The following LAMA5 variants were observed in gnomAD, a reference collection of about 807,000 sequenced individuals.
LAMA5 encodes the protein laminin subunit alpha-5.
Under a neutral mutation model 433.4 loss-of-function variants are expected in LAMA5, and 260 were observed. The observed-to-expected ratio is 0.60, with a 90% CI of 0.54 to 0.66. The LOEUF (loss-of-function observed/expected upper bound fraction) is 0.66, where lower values mean the gene tolerates loss of function less well. Ranked by LOEUF, LAMA5 falls within the 30% of genes least tolerant of loss-of-function variation. LAMA5 has a pLI of 0.00. For missense variants in LAMA5, 5,378 were observed against 5,258.5 expected, an observed-to-expected ratio of 1.02 and a Z score of -0.70; for synonymous variants, 2,620 against 2,226.6, an observed-to-expected ratio of 1.18 and a Z score of -4.97.
Position 62,320,817 on chromosome 20 carries a change from C to A in LAMA5, c.6570G>T (p.Glu2190Asp). Residue 2190 changes from glutamate (E) to aspartate (D), a missense_variant, in exon 49 of 80, where the codon GAG becomes GAT. Glu to Asp is a conservative substitution (Grantham distance 45, BLOSUM62 2). Coordinates refer to ENST00000252999, the MANE Select transcript of LAMA5 (RefSeq NM_005560.6). ...RAGALLPAIH[E>D]QLRGINASSM... ...AGCTGGCATTGATGCCACGCAGTTG[C>A]TCGTGAATGGCGGGGAGGAGGGCGC... is the stretch of plus-strand genomic sequence containing the variant. 6.2e-7 allele frequency: 1 copy of A among 1,612,686 alleles called. No individual in the cohort carries two copies. Among genetic ancestry groups the A allele is most frequent in the Non-Finnish European group, 8.5e-7 (1 of 1,179,904 alleles).
chr20:62,363,691 G>C (rs906041864), intron 1 of LAMA5, among the ~76,000 whole-genome samples: 1 of 151,998 alleles, frequency 6.6e-6, no homozygotes, highest in Non-Finnish European at 1.5e-5. Context: ...GTTTGAGAAA[G>C]TCAGCGGCCC....
chr20:62,327,467 T>C, intron 37 of LAMA5, 61 bp from the exon 38 acceptor site: 3 of 1,605,498 alleles, frequency 1.9e-6, no homozygotes, highest in Non-Finnish European at 2.6e-6. Flanking sequence ...GGGCCCCATC[T>C]TGCATCCAGT....
chr20:62,315,326 GA>G, intron 58 of LAMA5, 119 bp from the exon 59 acceptor site: 1 of 813,380 alleles, frequency 1.2e-6, no homozygotes, highest in South Asian at 1.8e-5. Flanking sequence ...GATCGTGTGA[GA>G]CCCTCACACC....
At chr20:62,337,523 G>C in intron 16 of LAMA5, 67 bp downstream of exon 16, 1 of 1,543,154 alleles carries the variant, frequency 6.5e-7, no homozygotes, top group African/African-American at 1.4e-5. Flanking sequence ...AAGGCAGGCA[G>C]CGTGTGAACA....
chr20:62,347,474 T>C (rs1365856352), intron 6 of LAMA5, among the ~76,000 whole-genome samples: 1 of 152,142 alleles, frequency 6.6e-6, no homozygotes, highest in Non-Finnish European at 1.5e-5. Context: ...AAAACCTCCC[T>C]GAGCCAGAAG....
rs374714246 is a variant in LAMA5 at position 62,322,091 on chromosome 20, A to G, written c.6424T>C (p.Cys2142Arg). ...TGATGCTGCTGGCTGCAGGTGTCGC[A>G]GCGCTCCCCGCTGAGCCCCGGGGGG... ...NCPPGLSGER[C>R]DTCSQQHQVP... Residue 2142 changes from cysteine (C) to arginine (R), a missense_variant, in exon 48 of 80, where the codon TGC (cysteine) becomes CGC (arginine). By Grantham distance (180) the Cys-to-Arg change is radical. Coordinates refer to ENST00000252999, the MANE Select transcript of LAMA5 (RefSeq NM_005560.6). 1.0e-4 allele frequency: 167 copies of G among 1,601,682 alleles called. No homozygotes were observed. The highest frequency in any genetic ancestry group is 1.4e-4 in the Non-Finnish European group (160 of 1,179,322).
At chr20:62,315,318 T>C in intron 58 of LAMA5, 111 bp from the exon 59 acceptor site, 2 of 924,924 alleles carry the variant, frequency 2.2e-6, no homozygotes, top group Non-Finnish European at 3.2e-6. Context: ...CCCCTATGGA[T>C]CGTGTGAGAC....
chr20:62,310,779 G>C lies in LAMA5; in HGVS notation c.10332C>G (p.Ala3444=), dbSNP rs1986171466. 1.3e-6 allele frequency: 2 copies of C among 1,552,858 alleles called. No homozygotes were observed. Among genetic ancestry groups the C allele is most frequent in the Non-Finnish European group, 1.7e-6 (2 of 1,149,980 alleles). ...GCGGCCCCTCCTGGCTCCAGGCCCG[G>C]GCCCCGTCCGTCACCAGCAGGATCC... is the stretch of plus-strand genomic sequence containing the variant. ...KNRILLVTDG[A]RAWSQEGPHR... The change falls in exon 75 of 80, where the codon GCC becomes GCG. Residue 3444 remains alanine, a synonymous_variant. Coordinates refer to ENST00000252999, the MANE Select transcript of LAMA5 (RefSeq NM_005560.6).
rs1322024222 is a variant in LAMA5 at position 62,312,617 on chromosome 20, G to A, written c.9227+15C>T. 4 of 1,603,060 alleles carry A rather than the reference G, an allele frequency of 2.5e-6. No homozygotes were observed. The African/African-American group carries it at 4.0e-5, about 16-fold the overall frequency. ...ACAGCCTGGCCTCGGAGCCCCAGCTGCGCACAGTGCTTACCTCGGGGGCAG... is the reference window on the plus strand; with the variant it reads ...ACAGCCTGGCCTCGGAGCCCCAGCTACGCACAGTGCTTACCTCGGGGGCAG... On this transcript the variant is annotated intron_variant, in intron 67 of 79. Transcript: ENST00000252999.
At chr20:62,355,507 G>A (rs1193268185) in intron 2 of LAMA5, 5 of 152,416 alleles carry the variant, frequency 3.3e-5, no homozygotes, top group Non-Finnish European at 5.9e-5. Context: ...CAGGACTCCA[G>A]ACATCCCAGG....
chr20:62,314,470 TGGGGACC>T (rs761149949), intron 61 of LAMA5, 30 bp from the exon 62 acceptor site: 11 of 1,612,290 alleles, frequency 6.8e-6, no homozygotes, highest in Admixed American at 5.0e-5. Flanking sequence ...ACAGTCGGGA[TGGGGACC>T]GGGGACCAGG....
chr20:62,319,600 G>T, intron 51 of LAMA5, 84 bp downstream of exon 51: 1 of 940,862 alleles, frequency 1.1e-6, no homozygotes, highest in African/African-American at 1.6e-5. Flanking sequence ...GTTCTTCCAG[G>T]CCAAGCTCGG....
intron 11 of LAMA5, among the ~76,000 whole-genome samples, chr20:62,340,850 C>A (rs1444167129): frequency 6.6e-6 from 1 of 151,676 alleles, no homozygotes; most frequent in Non-Finnish European, 1.5e-5. Context: ...GCCTGGCCAA[C>A]ATGGTAAAAC....
intron 11 of LAMA5, among the ~76,000 whole-genome samples, chr20:62,339,554 G>A (rs1015611691): frequency 6.6e-6 from 1 of 152,134 alleles, no homozygotes; most frequent in Non-Finnish European, 1.5e-5. Context: ...TTGGGAAGAA[G>A]GTAGAAAGAA....
Position 62,323,817 on chromosome 20 carries a change from C to A in LAMA5, c.5808G>T (p.Gln1936His). The A allele has an allele frequency of 6.2e-7, 1 of 1,610,640 alleles. No individual in the cohort carries two copies. The highest frequency in any genetic ancestry group is 1.7e-4 in the Middle Eastern group (1 of 6,042). The change falls in exon 44 of 80, where the codon CAG becomes CAT. Residue 1936 changes from glutamine to histidine, a missense_variant. Physicochemically the swap from Gln to His is conservative, Grantham distance 24. Coordinates refer to ENST00000252999, the MANE Select transcript of LAMA5 (RefSeq NM_005560.6). ...EGCVLRGGRTQCLCKPGYAGA... is the reference protein window; with the variant it reads ...EGCVLRGGRTHCLCKPGYAGA... ...CTGCATAACCAGGTTTGCAGAGGCACTGGGTGCGGCCGCCTCGCAGGACAC... is the reference window on the plus strand; with the variant it reads ...CTGCATAACCAGGTTTGCAGAGGCAATGGGTGCGGCCGCCTCGCAGGACAC...
rs148169370 is a variant in LAMA5 at position 62,317,394 on chromosome 20, C to G, written c.7462G>C (p.Ala2488Pro). The G allele has an allele frequency of 6.2e-7, 1 of 1,609,646 alleles. No homozygotes were observed. The highest frequency in any genetic ancestry group is 8.5e-7 in the Non-Finnish European group (1 of 1,178,950). Residue 2488 changes from alanine to proline, a missense_variant, in exon 55 of 80, where the codon GCC becomes CCC. Physicochemically the swap from Ala to Pro is conservative, Grantham distance 27 (BLOSUM62 -1). Coordinates refer to ENST00000252999, the MANE Select transcript of LAMA5 (RefSeq NM_005560.6). ...AGSKLRLVEA[A>P]EAHAQQLGQL... ...CCCAGCTGCTGTGCGTGGGCCTCGG[C>G]GGCCTCCACTAGACGCAGCTTGCTG...
chr20:62,361,550 A>G (rs372217279), intron 2 of LAMA5, among the ~76,000 whole-genome samples: 5 of 152,152 alleles, frequency 3.3e-5, no homozygotes, highest in African/African-American at 1.2e-4. Flanking sequence ...AGGCTCAGAC[A>G]GGGGTGAAGA....
chr20:62,318,864 C>T lies in LAMA5; in HGVS notation c.7021G>A (p.Glu2341Lys), dbSNP rs1987341471. ...TCACATCTCTGTGCTGCAGCCAACT[C>T]AGCCTCAGCTGCTGCCTGCGGGGCC... Reference protein sequence around the residue: ...LGAPQAAAEAELAAAQRLLAR... With the variant: ...LGAPQAAAEAKLAAAQRLLAR... The change falls in exon 52 of 80, where the codon GAG becomes AAG. Residue 2341 changes from glutamate (E) to lysine (K), a missense_variant. Physicochemically the swap from Glu to Lys is moderately conservative, Grantham distance 56. Transcript: ENST00000252999. 6.2e-7 allele frequency: 1 copy of T among 1,610,154 alleles called. No individual in the cohort carries two copies. Among genetic ancestry groups the T allele is most frequent in the Middle Eastern group, 1.7e-4 (1 of 6,056 alleles).
At chr20:62,346,392 G>A in intron 9 of LAMA5, 114 bp downstream of exon 9, 2 of 1,364,886 alleles carry the variant, frequency 1.5e-6, no homozygotes, top group African/African-American at 2.9e-5. Flanking sequence ...GCTCCTTCCT[G>A]GGCTGGCCTG....
Sources: allele counts gnomAD v4.1 joint callset (sites outside exome capture counted in the v4.1 genomes callset), GRCh38; gene constraint gnomAD v4.1.1; transcripts MANE v1.5; gene names NCBI Gene and HGNC (gene_info 2026-07-23, HGNC 2026-07-21).